Variants in THSD7B observed in about 807,000 individuals in gnomAD.
The protein encoded by THSD7B is thrombospondin type 1 domain containing 7B.
A neutral mutation model predicts 213.6 loss-of-function variants in THSD7B; 138 were observed. The observed-to-expected ratio is 0.65, with a 90% CI of 0.56 to 0.74. The LOEUF (loss-of-function observed/expected upper bound fraction) is 0.74. Among genes scored for constraint, THSD7B ranks in the 30% least tolerant of loss-of-function variants. The pLI, the probability that THSD7B is intolerant of heterozygous loss-of-function variation, is 0.00. For synonymous variants in THSD7B, 742 were observed against 687.0 expected, an observed-to-expected ratio of 1.08 and a Z score of -1.25; for missense variants, 1,931 against 1,991.5, an observed-to-expected ratio of 0.97 and a Z score of 0.58.
At position 137,609,873 on chromosome 2, in the gene THSD7B, A is replaced by G. The variant is rs150853065; in HGVS notation, c.3424-6302A>G. On this transcript the variant is annotated intron_variant, in intron 17 of 27. Transcript: ENST00000409968. ...TTTTACCAGGATAGGAGTGGCACAA[A>G]TGGTGAGAGGTAGATGGGTTGTGCA... Among the ~76,000 whole-genome samples the G allele has an allele frequency of 3.9e-5, 6 of 152,236 alleles. No homozygotes were observed. In the East Asian group the frequency reaches 1.2e-3, roughly 29 times the overall value.
At chr2:137,465,323 A>T (rs1687971518) in intron 15 of THSD7B, among the ~76,000 whole-genome samples, 1 of 152,102 alleles carries the variant, frequency 6.6e-6, no homozygotes, top group South Asian at 2.1e-4. Flanking sequence ...AATAAAAGAC[A>T]GTTCAAGTTG....
intron 19 of THSD7B, 70 bp downstream of exon 19, chr2:137,618,577 A>T: frequency 7.5e-7 from 1 of 1,342,188 alleles, no homozygotes; most frequent in Non-Finnish European, 1.0e-6. Flanking sequence ...CAGTTCCATG[A>T]TGTCCAATAT....
rs545101250 is a variant in THSD7B, at chr2:136,848,738, A to C, written c.-35-33406A>C. 1.0e-3 allele frequency among the ~76,000 whole-genome samples: 152 copies of C among 152,274 alleles called. 2 individuals carry two copies. Among genetic ancestry groups the C allele is most frequent in the Middle Eastern group, 6.8e-3 (2 of 294 alleles). On this transcript the variant is annotated intron_variant, in intron 1 of 27. Transcript: ENST00000409968. ...TTTAGTTATGCAAAGTTTTATTGAGAATGAAATGTTCTTATTCTCTTGAAA... is the reference window on the plus strand; with the variant it reads ...TTTAGTTATGCAAAGTTTTATTGAGCATGAAATGTTCTTATTCTCTTGAAA...
intron 2 of THSD7B, among the ~76,000 whole-genome samples, chr2:136,898,961 A>T (rs1198777554): frequency 6.6e-6 from 1 of 151,950 alleles, no homozygotes; most frequent in Non-Finnish European, 1.5e-5. Flanking sequence ...ACTTTTAATG[A>T]TCATTGTTAC....
chr2:137,568,370 C>A (rs1285923611), intron 16 of THSD7B, among the ~76,000 whole-genome samples: 5 of 152,066 alleles, frequency 3.3e-5, no homozygotes, highest in African/African-American at 7.2e-5. Context: ...CATTCAGGAA[C>A]ACCCTCAATT....
At chr2:137,392,925 T>A (rs1686068696) in intron 12 of THSD7B, among the ~76,000 whole-genome samples, 1 of 152,068 alleles carries the variant, frequency 6.6e-6, no homozygotes. Context: ...ACCTCTGAGT[T>A]TTATACTTTT....
At chr2:137,320,826 T>C (rs1434828682) in intron 12 of THSD7B, among the ~76,000 whole-genome samples, 1 of 152,216 alleles carries the variant, frequency 6.6e-6, no homozygotes, top group Non-Finnish European at 1.5e-5. Context: ...ACTAATAACA[T>C]CTGACTTATC....
At chr2:137,204,764 T>G (rs542833988) in intron 7 of THSD7B, among the ~76,000 whole-genome samples, 1 of 152,248 alleles carries the variant, frequency 6.6e-6, no homozygotes, top group East Asian at 1.9e-4. Context: ...GAAGTTATAC[T>G]GAAAAGTATG....
At chr2:136,971,578 T>C (rs1019411102) in intron 2 of THSD7B, among the ~76,000 whole-genome samples, 18 of 146,718 alleles carry the variant, frequency 1.2e-4, no homozygotes, top group Admixed American at 8.3e-4. Context: ...TGCTTATCAC[T>C]GAAAAAAACT....
intron 4 of THSD7B, among the ~76,000 whole-genome samples, chr2:137,098,836 G>T (rs559001759): frequency 6.6e-6 from 1 of 152,168 alleles, no homozygotes; most frequent in South Asian, 2.1e-4. Flanking sequence ...GAGATCATTC[G>T]GGAAGCATTC....
intron 2 of THSD7B, among the ~76,000 whole-genome samples, chr2:137,056,149 G>C (rs1292563063): frequency 6.6e-6 from 1 of 152,138 alleles, no homozygotes; most frequent in East Asian, 1.9e-4. Context: ...CTACAAGTCG[G>C]TGCTTTTATT....
intron 1 of THSD7B, among the ~76,000 whole-genome samples, chr2:136,851,169 T>C (rs1011772346): frequency 2.0e-5 from 3 of 152,138 alleles, no homozygotes; most frequent in African/African-American, 7.2e-5. Context: ...ACCTAACATA[T>C]TCTTTTCATT....
At chr2:137,154,769 T>G (rs1558940357) in intron 5 of THSD7B, among the ~76,000 whole-genome samples, 3 of 152,196 alleles carry the variant, frequency 2.0e-5, no homozygotes, top group Non-Finnish European at 4.4e-5. Context: ...TAATTACAAT[T>G]CATTTTGAAT....
chr2:137,137,582 C>T (rs191358538), intron 5 of THSD7B, among the ~76,000 whole-genome samples: 48 of 152,180 alleles, frequency 3.2e-4, no homozygotes, highest in Non-Finnish European at 3.7e-4. Flanking sequence ...GGTTTACAGC[C>T]TAGGAGCAAT....
At chr2:137,614,726 T>C (rs1682351121) in intron 17 of THSD7B, among the ~76,000 whole-genome samples, 1 of 152,160 alleles carries the variant, frequency 6.6e-6, no homozygotes, top group African/African-American at 2.4e-5. Context: ...AAGTATAAAA[T>C]TATAAGTACT....
chr2:137,088,806 C>A (rs1687890554), intron 3 of THSD7B, among the ~76,000 whole-genome samples: 1 of 151,916 alleles, frequency 6.6e-6, no homozygotes. Flanking sequence ...AAAAAGTGGG[C>A]TAAGGACATA....
chr2:136,835,148 G>A (rs1682823363), intron 1 of THSD7B, among the ~76,000 whole-genome samples: 2 of 152,104 alleles, frequency 1.3e-5, no homozygotes. Flanking sequence ...TCTATACAAA[G>A]CTTAATATTT....
intron 15 of THSD7B, among the ~76,000 whole-genome samples, chr2:137,551,559 C>T (rs1034039975): frequency 5.3e-5 from 8 of 152,046 alleles, no homozygotes; most frequent in East Asian, 1.9e-4. Context: ...TGTTCTTAGG[C>T]GAAGGGGAAT....
chr2:137,335,213 C>T (rs1684610395), intron 12 of THSD7B, among the ~76,000 whole-genome samples: 1 of 152,160 alleles, frequency 6.6e-6, no homozygotes, highest in Non-Finnish European at 1.5e-5. Context: ...TTTTACAATA[C>T]AACCATTTAT....
Sources: gnomAD v4.1 joint callset for allele counts (sites outside exome capture counted in the v4.1 genomes callset) on GRCh38, gnomAD v4.1.1 for gene constraint, MANE v1.5 for transcripts, NCBI Gene and HGNC (gene_info 2026-07-23, HGNC 2026-07-21) for gene names.